TRPM3: variants seen among roughly 807,000 people sequenced by gnomAD.
The protein encoded by TRPM3 is long transient receptor potential channel 3.
In TRPM3, 77 loss-of-function variants were observed where a neutral mutation model predicts 181.2. The observed-to-expected ratio is 0.42, with a 90% CI of 0.35 to 0.51. The LOEUF (loss-of-function observed/expected upper bound fraction) is 0.51. Among genes scored for constraint, TRPM3 ranks in the 20% least tolerant of loss-of-function variants. The probability of loss-of-function intolerance (pLI) is 0.01; values close to 1 mark genes in which losing one functional copy is unlikely to be tolerated. For missense variants in TRPM3, 1,759 were observed against 2,196.7 expected, an observed-to-expected ratio of 0.80 and a Z score of 3.98; for synonymous variants, 745 against 796.4, an observed-to-expected ratio of 0.94 and a Z score of 1.09.
intron 1 of TRPM3, among the ~76,000 whole-genome samples, chr9:70,902,860 G>A (rs916198145): frequency 9.9e-5 from 15 of 152,138 alleles, no homozygotes; most frequent in African/African-American, 3.4e-4. Context: ...GCCACAGAAC[G>A]TATCTTAAGG....
Position 70,536,818 on chromosome 9 carries a change from G to A in TRPM3, c.4295C>T (p.Ser1432Phe), listed in dbSNP as rs1156684782. ...LHCDIDPLDNSVNILGLGEPS... is the reference protein window; with the variant it reads ...LHCDIDPLDNFVNILGLGEPS... ...CTCGCCCAGCCCAAGGATGTTCACG[G>A]AATTGTCCAGAGGGTCTATATCACA... Residue 1432 changes from serine to phenylalanine, a missense_variant, in exon 26 of 26, where the codon TCC becomes TTC. Transcript: ENST00000677713. The A allele has an allele frequency of 6.2e-7, 1 of 1,614,168 alleles. No homozygotes were observed. The highest frequency in any genetic ancestry group is 1.1e-5 in the South Asian group (1 of 91,082).
intron 25 of TRPM3, among the ~76,000 whole-genome samples, chr9:70,544,911 G>A (rs2131719000): frequency 6.6e-6 from 1 of 152,254 alleles, no homozygotes; most frequent in African/African-American, 2.4e-5. Context: ...ATGTTATTTG[G>A]TTGCTAAGAC....
In TRPM3 at chr9:71,286,974, A is replaced by AT. The variant is rs1565424527; in HGVS notation, c.183+159678_183+159679insA. 9.7e-3 allele frequency among the ~76,000 whole-genome samples: 961 copies of AT among 99,374 alleles called. 20 individuals are homozygous for AT. The highest frequency in any genetic ancestry group is 0.036 in the African/African-American group (893 of 24,590). The allele number at this position is 99,374 out of a possible 152,430, so 65.2% of individuals were successfully genotyped here. ...ATTTTATATAAATTATATATAATAT[A>AT]ATTATATTATATAATTATATTATAT... On this transcript the variant is annotated intron_variant, in intron 1 of 24. Coordinates refer to the TRPM3 transcript ENST00000357533.
chr9:70,683,391 C>A (rs1022795843), intron 8 of TRPM3, among the ~76,000 whole-genome samples: 2 of 147,250 alleles, frequency 1.4e-5, no homozygotes, highest in African/African-American at 5.0e-5. Context: ...AGCTTCCTTC[C>A]TTCCTTTCCT....
At chr9:70,683,582 TG>T (rs2066037192) in intron 8 of TRPM3, among the ~76,000 whole-genome samples, 1 of 151,794 alleles carries the variant, frequency 6.6e-6, no homozygotes, top group Non-Finnish European at 1.5e-5. Context: ...ACTTAAAATA[TG>T]AAGAGCCAAA....
intron 1 of TRPM3, among the ~76,000 whole-genome samples, chr9:71,134,935 C>G (rs2074671600): frequency 6.6e-6 from 1 of 152,180 alleles, no homozygotes; most frequent in African/African-American, 2.4e-5. Flanking sequence ...TGAAAACTCA[C>G]TAACCCCTTG....
chr9:70,813,767 G>A (rs946404878), intron 6 of TRPM3, among the ~76,000 whole-genome samples: 8 of 152,212 alleles, frequency 5.3e-5, no homozygotes, highest in African/African-American at 9.6e-5. Context: ...CTTCTTGAGC[G>A]TGCTATTTAC....
intron 22 of TRPM3, among the ~76,000 whole-genome samples, chr9:70,588,702 G>A (rs1310267409): frequency 1.3e-5 from 2 of 152,142 alleles, no homozygotes; most frequent in Non-Finnish European, 2.9e-5. Flanking sequence ...AGACGTCGTA[G>A]GGCAGCATAA....
At chr9:70,941,246 G>A (rs552204113) in intron 1 of TRPM3, among the ~76,000 whole-genome samples, 92 of 152,310 alleles carry the variant, frequency 6.0e-4, no homozygotes, top group Non-Finnish European at 7.4e-5. Flanking sequence ...CATAAAGCAG[G>A]CAGGAGAAGA....
At position 70,604,964 on chromosome 9, in the gene TRPM3, C is replaced by CTTCTTTTTTTT. The variant is rs146874864; in HGVS notation, c.2668-1495_2668-1494insAAAAAAAAGAA. On this transcript the variant is annotated intron_variant, in intron 19 of 25. Coordinates refer to ENST00000677713, the MANE Select transcript of TRPM3 (RefSeq NM_001366145.2). ...ACCATGCTCAGCTGAATGGATTCTT[C>CTTCTTTTTTTT]TTTTTTTTTGGAGACTGAGTCTCAC... Among the ~76,000 whole-genome samples, 22 of 129,956 alleles carry CTTCTTTTTTTT rather than the reference C, an allele frequency of 1.7e-4. 3 individuals are homozygous for CTTCTTTTTTTT. Among genetic ancestry groups the CTTCTTTTTTTT allele is most frequent in the Admixed American group, 2.5e-4 (3 of 12,150 alleles). 85.3% of individuals were successfully genotyped at this position (129,956 alleles called of 152,430 possible).
chr9:71,008,027 A>G (rs2097698389), intron 1 of TRPM3, among the ~76,000 whole-genome samples: 1 of 152,100 alleles, frequency 6.6e-6, no homozygotes, highest in Non-Finnish European at 1.5e-5. Flanking sequence ...ACAAAAATTT[A>G]GTTATACTAA....
chr9:71,061,207 A>G (rs1040938090), intron 1 of TRPM3, among the ~76,000 whole-genome samples: 2 of 152,152 alleles, frequency 1.3e-5, no homozygotes, highest in Admixed American at 1.3e-4. Context: ...AGAGGTCAGT[A>G]GCTTACTGTG....
At chr9:71,413,183 A>T (rs1330021393) in intron 1 of TRPM3, among the ~76,000 whole-genome samples, 1 of 152,176 alleles carries the variant, frequency 6.6e-6, no homozygotes, top group African/African-American at 2.4e-5. Context: ...CCAACATGCC[A>T]CATGTATACA....
At chr9:71,131,211 C>T (rs2074353312) in intron 1 of TRPM3, among the ~76,000 whole-genome samples, 1 of 152,190 alleles carries the variant, frequency 6.6e-6, no homozygotes, top group African/African-American at 2.4e-5. Flanking sequence ...TTTACATATG[C>T]TGTTCCCTCT....
intron 1 of TRPM3, among the ~76,000 whole-genome samples, chr9:71,290,294 T>A (rs1394606796): frequency 6.6e-6 from 1 of 151,920 alleles, no homozygotes; most frequent in Admixed American, 6.6e-5. Context: ...CACCAATATA[T>A]CGTAATGTAA....
chr9:70,875,397 C>T (rs1345367840), intron 1 of TRPM3, among the ~76,000 whole-genome samples: 3 of 151,740 alleles, frequency 2.0e-5, no homozygotes, highest in Non-Finnish European at 4.4e-5. Context: ...TATAAGTAAA[C>T]AAACAAAAAT....
chr9:70,659,757 C>CT (rs1356708388), intron 9 of TRPM3, among the ~76,000 whole-genome samples: 3 of 151,874 alleles, frequency 2.0e-5, no homozygotes, highest in Non-Finnish European at 4.4e-5. Context: ...ATATTTTTTC[C>CT]TTTTTTTCCT....
At chr9:70,793,166 C>T (rs1037250555) in intron 6 of TRPM3, among the ~76,000 whole-genome samples, 1 of 152,124 alleles carries the variant, frequency 6.6e-6, no homozygotes, top group Non-Finnish European at 1.5e-5. Context: ...AAAGAATACC[C>T]ATTTATGGTT....
chr9:71,075,065 C>T (rs1354303469), intron 1 of TRPM3, among the ~76,000 whole-genome samples: 1 of 152,054 alleles, frequency 6.6e-6, no homozygotes, highest in African/African-American at 2.4e-5. Flanking sequence ...TTCTAGAAGT[C>T]ATTGACTTCT....
Sources: allele counts gnomAD v4.1 joint callset (sites outside exome capture counted in the v4.1 genomes callset), GRCh38; gene constraint gnomAD v4.1.1; transcripts MANE v1.5; gene names NCBI Gene and HGNC (gene_info 2026-07-23, HGNC 2026-07-21).